Variants in ACTA2 observed in about 807,000 individuals in gnomAD.
ACTA2 encodes actin, aortic smooth muscle.
In ACTA2, 12 loss-of-function variants were observed where a neutral mutation model predicts 39.5. The ratio of observed to expected loss-of-function variants is 0.30; its 90% CI spans 0.19 to 0.49. The LOEUF (loss-of-function observed/expected upper bound fraction) is 0.49, where lower values mean the gene tolerates loss of function less well. Among genes scored for constraint, ACTA2 ranks in the 20% least tolerant of loss-of-function variants. The pLI, the probability that ACTA2 is intolerant of heterozygous loss-of-function variation, is 0.99. For missense variants in ACTA2, 236 were observed against 498.8 expected, an observed-to-expected ratio of 0.47 and a Z score of 5.02; for synonymous variants, 158 against 180.6, an observed-to-expected ratio of 0.88 and a Z score of 1.00.
chr10:88,961,405 T>G (rs1170123147), intron 1 of ACTA2, among the ~76,000 whole-genome samples: 4 of 152,234 alleles, frequency 2.6e-5, no homozygotes, highest in Admixed American at 2.6e-4. Context: ...ATTCTTTCAC[T>G]TTCCATCCTC....
At chr10:88,956,237 G>T (rs989636823), upstream of ACTA2, among the ~76,000 whole-genome samples, 1 of 152,178 alleles carries the variant, frequency 6.6e-6, no homozygotes, top group Non-Finnish European at 1.5e-5. Context: ...AATTCTTGAG[G>T]TCAGAAGTCC....
At position 88,961,088 on chromosome 10, in the gene ACTA2, A is replaced by G. The variant is rs772380150; in HGVS notation, c.-23-12135T>C. Among the ~76,000 whole-genome samples, 30 of 152,278 alleles carry G rather than the reference A, an allele frequency of 2.0e-4. 1 individual carries two copies. The Middle Eastern group carries it at 0.01, about 52-fold the overall frequency. ...GAATGCTTAGTCAGAAGTGAGGACT[A>G]TGGGGAGACACTTAATGCACTGAAG... On this transcript the variant is annotated intron_variant, in intron 1 of 4. Coordinates refer to the ACTA2 transcript ENST00000415557.
rs1847149091 is a variant in ACTA2 at position 88,990,974 on chromosome 10, G to A, written c.-59C>T. 1.2e-6 allele frequency: 2 copies of A among 1,607,898 alleles called. No homozygotes were observed. Among genetic ancestry groups the A allele is most frequent in the Non-Finnish European group, 8.5e-7 (1 of 1,174,830 alleles). The stretch of plus-strand genomic sequence containing the variant: ...TCCCGGGGATAGGCAAAGTGGGGCG[G>A]GCGCGGGACGCGTGCGGGATTGCGG... On this transcript the variant is annotated 5_prime_UTR_variant, in exon 1 of 5. Coordinates refer to the ACTA2 transcript ENST00000415557. This position sits in a 1 kb window ranked among gnomAD's most constrained non-coding sequence, Gnocchi z 4.9.
chr10:88,956,854 C>T (rs555547026), upstream of ACTA2, among the ~76,000 whole-genome samples: 1 of 152,192 alleles, frequency 6.6e-6, no homozygotes, highest in Non-Finnish European at 1.5e-5. Context: ...GCCAGGAAGT[C>T]CAGGATCAAG....
In ACTA2 at chr10:88,947,398, C is replaced by A; in HGVS notation, c.130-12G>T. The A allele has an allele frequency of 6.2e-7, 1 of 1,613,692 alleles. No homozygotes were observed. The highest frequency in any genetic ancestry group is 8.5e-7 in the Non-Finnish European group (1 of 1,179,786). ...CCCACCATCACCCCCTAAAAAGGTT[C>A]AACACATTATGAGTCAGCATCTCCC... is the stretch of plus-strand genomic sequence containing the variant. On this transcript the variant is annotated splice_polypyrimidine_tract_variant and intron_variant, in intron 2 of 8. Coordinates refer to ENST00000224784, the MANE Select transcript of ACTA2 (RefSeq NM_001613.4).
At chr10:88,978,341 T>A (rs1371621227) in intron 1 of ACTA2, among the ~76,000 whole-genome samples, 2 of 151,152 alleles carry the variant, frequency 1.3e-5, no homozygotes, top group African/African-American at 4.9e-5. Flanking sequence ...ATGGCACATG[T>A]ATACATATGT....
chr10:88,948,764 TCTGTGTC>T, intron 2 of ACTA2, 31 bp downstream of exon 2: 6 of 1,613,070 alleles, frequency 3.7e-6, no homozygotes, highest in Non-Finnish European at 5.1e-6. Context: ...AGGAACCTAA[TCTGTGTC>T]CTGTTATGTT....
In ACTA2 at chr10:88,948,912, T is replaced by C. The variant is rs765607611; in HGVS notation, c.19A>G (p.Ser7Gly). 1 of 1,613,860 alleles carries C rather than the reference T, an allele frequency of 6.2e-7. No individual in the cohort carries two copies. The highest frequency in any genetic ancestry group is 8.5e-7 in the Non-Finnish European group (1 of 1,179,810). Residue 7 changes from serine to glycine, a missense_variant, in exon 2 of 9, where the codon AGC (serine) becomes GGC (glycine). Physicochemically the swap from Ser to Gly is moderately conservative, Grantham distance 56. Coordinates refer to ENST00000224784, the MANE Select transcript of ACTA2 (RefSeq NM_001613.4). MCEEEDSTALVCDNGSG... is the reference protein window; with the variant it reads MCEEEDGTALVCDNGSG... ...CCATTGTCACACACCAAGGCAGTGC[T>C]GTCCTCTTCTTCACACATAGCTGGA...
intron 1 of ACTA2, among the ~76,000 whole-genome samples, chr10:88,982,378 A>T (rs1465423218): frequency 6.6e-6 from 1 of 152,258 alleles, no homozygotes; most frequent in Admixed American, 6.5e-5. Context: ...AACATAAAAG[A>T]CAATGGATTA....
intron 1 of ACTA2, among the ~76,000 whole-genome samples, chr10:88,982,789 T>C (rs1846742901): frequency 6.6e-6 from 1 of 152,228 alleles, no homozygotes; most frequent in Admixed American, 6.5e-5. Context: ...AATATGTTTA[T>C]AATGAGATTA....
intron 1 of ACTA2, among the ~76,000 whole-genome samples, chr10:88,969,994 A>G (rs1846396075): frequency 6.6e-6 from 1 of 152,236 alleles, no homozygotes. Context: ...ACTTTTTGGA[A>G]AAAATTGCTC....
chr10:88,989,696 C>T (rs575496535), intron 1 of ACTA2: 12 of 415,776 alleles, frequency 2.9e-5, no homozygotes, highest in African/African-American at 2.5e-4. Context: ...GAGAGGAAGC[C>T]TGAAGGATGA....
intron 8 of ACTA2, among the ~76,000 whole-genome samples, chr10:88,936,227 G>T (rs12571023): frequency 0.083 from 12,640 of 152,232 alleles, 839 homozygotes; most frequent in South Asian, 0.34. Flanking sequence ...AACTGGCCCA[G>T]GTAACACCGG....
At chr10:88,991,250 C>G in exon 1 of ACTA2, 1 of 482,098 alleles carries the variant, frequency 2.1e-6, no homozygotes, top group Non-Finnish European at 3.8e-6. Flanking sequence ...AAGCGGAAGT[C>G]TGGGAAGCTT....
At chr10:88,942,235 A>T (rs1477518319) in intron 4 of ACTA2, among the ~76,000 whole-genome samples, 1 of 152,172 alleles carries the variant, frequency 6.6e-6, no homozygotes, top group African/African-American at 2.4e-5. Context: ...AGGAGTTTGG[A>T]CTAAATGAGA....
intron 1 of ACTA2, chr10:88,989,417 G>A (rs1847032992): frequency 3.9e-6 from 2 of 510,854 alleles, no homozygotes; most frequent in Non-Finnish European, 7.7e-6. Context: ...AGATAATACA[G>A]AGAATGCCCA....
chr10:88,941,227 A>G lies in ACTA2; in HGVS notation c.616+2T>C. ...CTCCCCCTTATCTCCCACAGGCCTCACCAGTAGTAACGAAGGAATAGCCAC... is the reference window on the plus strand; with the variant it reads ...CTCCCCCTTATCTCCCACAGGCCTCGCCAGTAGTAACGAAGGAATAGCCAC... On this transcript the variant is annotated splice_donor_variant, in intron 6 of 8. Coordinates refer to ENST00000224784, the MANE Select transcript of ACTA2 (RefSeq NM_001613.4). LOFTEE classifies it high-confidence loss of function. The G allele has an allele frequency of 6.2e-7, 1 of 1,613,850 alleles. No individual in the cohort carries two copies. Among genetic ancestry groups the G allele is most frequent in the Non-Finnish European group, 8.5e-7 (1 of 1,179,848 alleles).
At chr10:88,943,337 T>C (rs1005403870) in intron 4 of ACTA2, among the ~76,000 whole-genome samples, 2 of 152,190 alleles carry the variant, frequency 1.3e-5, no homozygotes, top group African/African-American at 4.8e-5. Flanking sequence ...TTCACATCAA[T>C]CCTTGGAAAA....
chr10:88,939,319 G>A (rs901121628), intron 7 of ACTA2, 188 bp downstream of exon 7: 1 of 697,020 alleles, frequency 1.4e-6, no homozygotes, highest in Non-Finnish European at 2.5e-6. Context: ...TGTTTTCTTA[G>A]GAAGAAAACC....
Sources: allele counts gnomAD v4.1 joint callset (sites outside exome capture counted in the v4.1 genomes callset), GRCh38; gene constraint gnomAD v4.1.1; non-coding constraint Gnocchi (gnomAD v3.1); transcripts MANE v1.5; gene names NCBI Gene and HGNC (gene_info 2026-07-23, HGNC 2026-07-21).